The following MIA3 variants were observed in gnomAD, a reference collection of about 807,000 sequenced individuals.
MIA3 encodes the protein transport and Golgi organization protein 1 homolog.
A neutral mutation model predicts 192.4 loss-of-function variants in MIA3; 90 were observed. That is an observed-to-expected ratio of 0.47 (90% CI 0.39 to 0.56). The LOEUF (loss-of-function observed/expected upper bound fraction) is 0.56. MIA3 is among the 20% of genes least tolerant of loss of function. The pLI is 0.00. For synonymous variants in MIA3, 740 were observed against 792.8 expected (o/e 0.93, Z 1.12); for missense variants, 2,123 against 2,269.4 (o/e 0.94, Z 1.31).
chr1:222,658,698 C>T (rs1393095796), intron 18 of MIA3, 24 bp from the exon 19 acceptor site: 1 of 1,544,722 alleles, frequency 6.5e-7, no homozygotes, highest in Non-Finnish European at 8.8e-7. Context: ...GAAACACTTT[C>T]ATTGACAACC....
chr1:222,627,518 A>G (rs918597945), intron 3 of MIA3, 57 bp from the exon 4 acceptor site: 17 of 1,368,106 alleles, frequency 1.2e-5, no homozygotes, highest in Non-Finnish European at 1.7e-5. Flanking sequence ...CGTGGATAAG[A>G]CTTTGCTCTG....
intron 6 of MIA3, among the ~76,000 whole-genome samples, chr1:222,633,759 CAGA>C (rs1159061944): frequency 6.6e-6 from 1 of 151,844 alleles, no homozygotes; most frequent in Non-Finnish European, 1.5e-5. Context: ...TGCAGTCAGG[CAGA>C]AGAAATAACA....
rs374210364 is a variant in MIA3, at chr1:222,628,410, C to T, written c.1190C>T (p.Thr397Ile). ...IFSIVTGGEE[T>I]RDTMDLESSS... is the part of the protein sequence containing the mutation. ...TCTATTGTCACAGGAGGTGAAGAAA[C>T]AAGAGATACGATGGATTTAGAGAGC... is the stretch of plus-strand genomic sequence containing the variant. The change falls in exon 4 of 28, where the codon ACA (threonine) becomes ATA (isoleucine). Residue 397 changes from threonine to isoleucine, a missense_variant. Around this residue, in one of 3 missense-constraint regions of MIA3, gnomAD observed 1,357 missense variants for 1,396.1 expected, o/e 0.97. Transcript: ENST00000344922. 13 of 1,613,666 alleles carry T rather than the reference C, an allele frequency of 8.1e-6. No individual in the cohort carries two copies. Among genetic ancestry groups the T allele is most frequent in the Non-Finnish European group, 1.1e-5 (13 of 1,179,966 alleles).
At position 222,654,277 on chromosome 1, in the gene MIA3, G is replaced by A. The variant is rs371895216; in HGVS notation, c.4356G>A (p.Lys1452=). 2,009 of 1,614,002 alleles carry A rather than the reference G, an allele frequency of 1.2e-3. 36 individuals are homozygous for A. The South Asian group carries it at 0.02, about 16-fold the overall frequency. ...ATGAGAAGATGAAAAATCAAATTAA[G>A]CAGATGATGGATGTCTCTCGGGTAT... The part of the protein sequence containing the change: ...DRNEKMKNQI[K]QMMDVSRTQT... Residue 1452 remains lysine (K), a synonymous_variant, in exon 16 of 28, where the codon AAG becomes AAA. Coordinates refer to ENST00000344922, the MANE Select transcript of MIA3 (RefSeq NM_198551.4).
At chr1:222,636,459 A>G (rs1171420825) in intron 6 of MIA3, among the ~76,000 whole-genome samples, 4 of 148,766 alleles carry the variant, frequency 2.7e-5, no homozygotes, top group Non-Finnish European at 5.9e-5. Flanking sequence ...GCTGAAGGAG[A>G]GACCTCCTTG....
In MIA3 at chr1:222,653,092, T is replaced by C. The variant is rs1389501095; in HGVS notation, c.4171T>C (p.Leu1391=). Residue 1391 remains leucine, a synonymous_variant, in exon 14 of 28, where the codon TTG becomes CTG. Transcript: ENST00000344922. ...IKSFEKSQKD[L]EVALTHKDDN... is the part of the protein sequence containing the mutation. Reference sequence around the variant, plus strand: ...ATCATTTGAGAAGTCTCAGAAAGATTTGGAAGTAGCTCTTACTCACAAGGA... The same window carrying C: ...ATCATTTGAGAAGTCTCAGAAAGATCTGGAAGTAGCTCTTACTCACAAGGA... 3 of 1,612,128 alleles carry C rather than the reference T, an allele frequency of 1.9e-6. No individual in the cohort carries two copies. Among genetic ancestry groups the C allele is most frequent in the African/African-American group, 1.3e-5 (1 of 74,918 alleles).
chr1:222,659,005 T>C (rs1663873637), intron 19 of MIA3, 182 bp downstream of exon 19: 6 of 508,088 alleles, frequency 1.2e-5, no homozygotes, highest in Admixed American at 3.9e-5. Context: ...CTGGCAAAAC[T>C]GTAAGGGAAC....
At chr1:222,641,612 C>T in intron 6 of MIA3, 2 of 528,310 alleles carry the variant, frequency 3.8e-6, no homozygotes, top group South Asian at 2.8e-5. Context: ...CCAGTTCCTA[C>T]ATCAATGAGC....
At chr1:222,655,746 T>C (rs978248471) in intron 18 of MIA3, among the ~76,000 whole-genome samples, 13 of 152,196 alleles carry the variant, frequency 8.5e-5, no homozygotes, top group African/African-American at 2.2e-4. Flanking sequence ...CTGCCTCCAA[T>C]AGTAATGTGA....
At chr1:222,644,439 G>T (rs998010313) in intron 6 of MIA3, 9 of 1,550,042 alleles carry the variant, frequency 5.8e-6, no homozygotes, top group Admixed American at 2.0e-5. Flanking sequence ...GTGCCATTCC[G>T]CAGGGAATTG....
In MIA3 at chr1:222,628,581, A is replaced by G. The variant is rs766132938; in HGVS notation, c.1361A>G (p.Asn454Ser). ...LFIVDIPKTN[N>S]DKEVNAEHHI... ...ATTGTAGACATTCCTAAAACAAATAATGACAAAGAAGTAAACGCAGAACAT... is the reference window on the plus strand; with the variant it reads ...ATTGTAGACATTCCTAAAACAAATAGTGACAAAGAAGTAAACGCAGAACAT... Residue 454 changes from asparagine to serine, a missense_variant, in exon 4 of 28, where the codon AAT becomes AGT. Around this residue, in one of 3 missense-constraint regions of MIA3, gnomAD observed 1,357 missense variants for 1,396.1 expected, o/e 0.97. Transcript: ENST00000344922. 3 of 1,614,208 alleles carry G rather than the reference A, an allele frequency of 1.9e-6. No homozygotes were observed. The highest frequency in any genetic ancestry group is 2.2e-5 in the East Asian group (1 of 44,884).
chr1:222,640,410 A>C (rs1458924640), intron 6 of MIA3, among the ~76,000 whole-genome samples: 1 of 152,150 alleles, frequency 6.6e-6, no homozygotes, highest in African/African-American at 2.4e-5. Context: ...AGCTCTAGTA[A>C]GTAAGACAGC....
In MIA3 at chr1:222,627,630, T is replaced by C. The variant is rs779760184; in HGVS notation, c.410T>C (p.Val137Ala). 1.9e-6 allele frequency: 3 copies of C among 1,589,652 alleles called. No individual in the cohort carries two copies. In the African/African-American group the frequency reaches 4.1e-5, roughly 22 times the overall value. The change falls in exon 4 of 28, where the codon GTA (valine) becomes GCA (alanine). Residue 137 changes from valine to alanine, a missense_variant. Physicochemically the swap from Val to Ala is moderately conservative, Grantham distance 64. Coordinates refer to ENST00000344922, the MANE Select transcript of MIA3 (RefSeq NM_198551.4). ...GGRDDFHNYNVEELLGFLELY... is the reference protein window; with the variant it reads ...GGRDDFHNYNAEELLGFLELY... ...AGAGATGATTTTCATAATTATAATG[T>C]AGAAGAACTTTTAGGGTTTTTGGAA...
At chr1:222,649,866 G>A in intron 8 of MIA3, 1 of 191,486 alleles carries the variant, frequency 5.2e-6, no homozygotes, top group South Asian at 9.2e-5. Context: ...CTTCTGAGGA[G>A]GCCTCAGGGA....
Position 222,664,044 on chromosome 1 carries a change from T to A in MIA3, c.5309T>A (p.Leu1770His). ...KGPPPFPGVP[L>H]MSTPMGGPVP... ...CCCCCTCCTTTCCCAGGAGTCCCTC[T>A]CATGAGCACCCCCATGGGAGGCCCT... Residue 1770 changes from leucine (L) to histidine (H), a missense_variant, in exon 27 of 28, where the codon CTC becomes CAC. By Grantham distance (99) the Leu-to-His change is moderately conservative. This residue lies in a region of MIA3 where 762 missense variants were observed against 856.4 expected (regional missense o/e 0.89). Transcript: ENST00000344922. 1 of 1,613,994 alleles carries A rather than the reference T, an allele frequency of 6.2e-7. No individual in the cohort carries two copies. The highest frequency in any genetic ancestry group is 8.5e-7 in the Non-Finnish European group (1 of 1,179,852).
At chr1:222,664,178 T>C in intron 27 of MIA3, 30 bp downstream of exon 27, 2 of 1,611,650 alleles carry the variant, frequency 1.2e-6, no homozygotes, top group Non-Finnish European at 1.7e-6. Context: ...AGTAATTGAC[T>C]TGTAAAGCAC....
In MIA3 at chr1:222,627,925, A is replaced by G. The variant is rs1662194481; in HGVS notation, c.705A>G (p.Gln235=). ...TTGAATCTTTTGAAGAAATGCTGCAAGATAAACTAAAAGTGCCAGAAAGTG... is the reference window on the plus strand; with the variant it reads ...TTGAATCTTTTGAAGAAATGCTGCAGGATAAACTAAAAGTGCCAGAAAGTG... ...ASFESFEEML[Q]DKLKVPESEN... The change falls in exon 4 of 28, where the codon CAA becomes CAG. Residue 235 remains glutamine, a synonymous_variant. Coordinates refer to ENST00000344922, the MANE Select transcript of MIA3 (RefSeq NM_198551.4). 3 of 1,614,000 alleles carry G rather than the reference A, an allele frequency of 1.9e-6. No individual in the cohort carries two copies. Among genetic ancestry groups the G allele is most frequent in the East Asian group, 2.2e-5 (1 of 44,894 alleles).
At chr1:222,663,720 TAGTC>T (rs1664136759) in intron 26 of MIA3, among the ~76,000 whole-genome samples, 1 of 152,218 alleles carries the variant, frequency 6.6e-6, no homozygotes, top group Non-Finnish European at 1.5e-5. Context: ...CTTCTATCAT[TAGTC>T]AGGAATGACC....
At chr1:222,622,243 T>C (rs1661904323) in intron 2 of MIA3, among the ~76,000 whole-genome samples, 1 of 152,244 alleles carries the variant, frequency 6.6e-6, no homozygotes, top group Non-Finnish European at 1.5e-5. Flanking sequence ...AATCAATGAC[T>C]GCATCATGCT....
Sources: gnomAD v4.1 joint callset for allele counts (sites outside exome capture counted in the v4.1 genomes callset) on GRCh38, gnomAD v4.1.1 for gene constraint, gnomAD v4.1.1 regional missense constraint, MANE v1.5 for transcripts, NCBI Gene and HGNC (gene_info 2026-07-23, HGNC 2026-07-21) for gene names.